CDK19: variants seen among roughly 807,000 people sequenced by gnomAD.
CDK19 encodes the protein cyclin-dependent kinase 19.
CDK19 carries 20 observed loss-of-function variants against 68.3 expected under a neutral mutation model. The observed-to-expected ratio is 0.29, with a 90% CI of 0.21 to 0.43. The LOEUF is 0.43. Among genes scored for constraint, CDK19 ranks in the 20% least tolerant of loss-of-function variants. The pLI is 1.00. For missense variants in CDK19, 339 were observed against 623.5 expected, an observed-to-expected ratio of 0.54 and a Z score of 4.86; for synonymous variants, 221 against 222.8, an observed-to-expected ratio of 0.99 and a Z score of 0.07.
intron 8 of CDK19, among the ~76,000 whole-genome samples, chr6:110,624,349 CTAGA>C (rs897730598): frequency 1.3e-5 from 2 of 151,798 alleles, no homozygotes; most frequent in African/African-American, 4.8e-5. Flanking sequence ...TCTAAATATA[CTAGA>C]TATTTTTTCA....
intron 1 of CDK19, among the ~76,000 whole-genome samples, chr6:110,797,032 A>G (rs1012854104): frequency 1.4e-5 from 2 of 147,274 alleles, no homozygotes; most frequent in Non-Finnish European, 3.0e-5. Context: ...AAAAATACAC[A>G]TAAATTGAAA....
chr6:110,804,187 C>T (rs1782519963), intron 1 of CDK19, among the ~76,000 whole-genome samples: 1 of 152,100 alleles, frequency 6.6e-6, no homozygotes. Context: ...AATCCATTCC[C>T]TAATCACATT....
At chr6:110,800,851 A>C (rs1467472197) in intron 1 of CDK19, among the ~76,000 whole-genome samples, 1 of 152,146 alleles carries the variant, frequency 6.6e-6, no homozygotes, top group East Asian at 1.9e-4. Flanking sequence ...ATCATACTGA[A>C]AGAGCAAAAG....
chr6:110,796,121 G>A (rs1480856310), intron 1 of CDK19, among the ~76,000 whole-genome samples: 2 of 152,048 alleles, frequency 1.3e-5, no homozygotes, highest in African/African-American at 2.4e-5. Context: ...GGCAGATCAT[G>A]AGGTCAAGAG....
intron 4 of CDK19, chr6:110,646,318 G>C: frequency 6.7e-7 from 1 of 1,486,172 alleles, no homozygotes; most frequent in Admixed American, 2.2e-5. Context: ...GACTACCTGC[G>C]CGAACGGGCC....
At position 110,626,683 on chromosome 6, in the gene CDK19, G is replaced by A. The variant is rs909512670; in HGVS notation, c.860+93C>T. 3.9e-6 allele frequency: 3 copies of A among 768,424 alleles called. No individual in the cohort carries two copies. In the Admixed American group the frequency reaches 7.7e-5, roughly 20 times the overall value. The allele number at this position is 768,424 out of a possible 1,614,324, so 47.6% of individuals were successfully genotyped here. On this transcript the variant is annotated intron_variant, in intron 8 of 12. Transcript: ENST00000368911. ...TGGACTTTCCAGCCTCAAGGACTGG[G>A]AGAAAACAAATTCCTGTTGTTTATA...
At chr6:110,757,067 T>C (rs1778886293) in intron 1 of CDK19, among the ~76,000 whole-genome samples, 1 of 152,112 alleles carries the variant, frequency 6.6e-6, no homozygotes, top group Non-Finnish European at 1.5e-5. Context: ...ATGATGGCAC[T>C]CACATAATGC....
At chr6:110,728,873 A>C (rs1776543957) in intron 2 of CDK19, among the ~76,000 whole-genome samples, 1 of 152,174 alleles carries the variant, frequency 6.6e-6, no homozygotes. Context: ...CTAAAGTTAG[A>C]TAATCTTTCT....
chr6:110,735,084 A>C (rs1777140668), intron 2 of CDK19, among the ~76,000 whole-genome samples: 1 of 151,760 alleles, frequency 6.6e-6, no homozygotes, highest in Non-Finnish European at 1.5e-5. Context: ...TTTAGATAAT[A>C]GTCCACAAAA....
intron 1 of CDK19, among the ~76,000 whole-genome samples, chr6:110,752,400 T>C (rs923071394): frequency 5.9e-5 from 9 of 152,228 alleles, no homozygotes; most frequent in Non-Finnish European, 1.0e-4. Flanking sequence ...CAAGAATTTT[T>C]CTAGTTTGAA....
intron 1 of CDK19, among the ~76,000 whole-genome samples, chr6:110,810,768 C>A (rs573566556): frequency 2.7e-5 from 4 of 149,346 alleles, no homozygotes; most frequent in South Asian, 4.3e-4. Context: ...GAGCAAACTC[C>A]ATCTCAAAAA....
chr6:110,809,401 C>G (rs1029675463), intron 1 of CDK19, among the ~76,000 whole-genome samples: 3 of 152,048 alleles, frequency 2.0e-5, no homozygotes, highest in African/African-American at 7.3e-5. Context: ...CATCTGTGGT[C>G]CTAGCTACGC....
Position 110,623,737 on chromosome 6 carries a change from AATAT to A in CDK19, c.861-379_861-376del, listed in dbSNP as rs67254112. ...TCTTAGCAGCCTTTTAGTAATGGCCAATATATATATATATACATATATATATACA... is the reference window on the plus strand; with the variant it reads ...TCTTAGCAGCCTTTTAGTAATGGCCAATATATATATACATATATATATACA... On this transcript the variant is annotated intron_variant, in intron 8 of 12. Transcript: ENST00000368911. 2.0e-5 allele frequency among the ~76,000 whole-genome samples: 3 copies of A among 146,806 alleles called. No individual in the cohort carries two copies. In the South Asian group the frequency reaches 6.4e-4, roughly 31 times the overall value.
At chr6:110,673,744 T>G (rs947190992) in intron 2 of CDK19, among the ~76,000 whole-genome samples, 1 of 152,074 alleles carries the variant, frequency 6.6e-6, no homozygotes, top group Admixed American at 6.6e-5. Context: ...AAGAAAAAAA[T>G]AAAAATAATA....
intron 1 of CDK19, among the ~76,000 whole-genome samples, chr6:110,784,973 T>G (rs933635969): frequency 6.6e-6 from 1 of 151,444 alleles, no homozygotes; most frequent in Non-Finnish European, 1.5e-5. Flanking sequence ...GAGGAGTGAC[T>G]GCTAATGTGT....
intron 4 of CDK19, among the ~76,000 whole-genome samples, chr6:110,654,357 A>G (rs970398645): frequency 6.6e-6 from 1 of 152,200 alleles, no homozygotes; most frequent in Non-Finnish European, 1.5e-5. Flanking sequence ...TAATAGCATT[A>G]GTCTATCATA....
At chr6:110,791,465 T>C (rs1781591268) in intron 1 of CDK19, among the ~76,000 whole-genome samples, 2 of 152,060 alleles carry the variant, frequency 1.3e-5, no homozygotes, top group South Asian at 4.1e-4. Flanking sequence ...AAAGAAGGTT[T>C]AGTAAAATGG....
At chr6:110,696,898 A>G (rs571889736) in intron 2 of CDK19, among the ~76,000 whole-genome samples, 7 of 152,124 alleles carry the variant, frequency 4.6e-5, no homozygotes, top group Non-Finnish European at 8.8e-5. Context: ...GTCTCTTCTA[A>G]AAATACAAAA....
chr6:110,627,553 C>T (rs749091104), intron 6 of CDK19, among the ~76,000 whole-genome samples: 4 of 152,078 alleles, frequency 2.6e-5, no homozygotes, highest in Non-Finnish European at 4.4e-5. Flanking sequence ...CTCTGTCACC[C>T]AGGCTGGAGT....
Sources: allele counts gnomAD v4.1 joint callset (sites outside exome capture counted in the v4.1 genomes callset), GRCh38; gene constraint gnomAD v4.1.1; transcripts MANE v1.5; gene names NCBI Gene and HGNC (gene_info 2026-07-23, HGNC 2026-07-21).